Variants in ITGA9 observed in about 807,000 individuals in gnomAD.
The protein encoded by ITGA9 is integrin alpha-9.
In ITGA9, 56 loss-of-function variants were observed where a neutral mutation model predicts 127.8. The ratio of observed to expected loss-of-function variants is 0.44; its 90% confidence interval spans 0.35 to 0.55. The LOEUF is 0.55. Among genes scored for constraint, ITGA9 ranks in the 20% least tolerant of loss-of-function variants. The pLI, the probability that ITGA9 is intolerant of heterozygous loss-of-function variation, is 0.00. For synonymous variants in ITGA9, 508 were observed against 514.5 expected, an observed-to-expected ratio of 0.99 and a Z score of 0.17; for missense variants, 1,196 against 1,347.1, an observed-to-expected ratio of 0.89 and a Z score of 1.76.
intron 15 of ITGA9, among the ~76,000 whole-genome samples, chr3:37,584,377 G>C (rs1268326551): frequency 6.6e-6 from 1 of 152,156 alleles, no homozygotes; most frequent in African/African-American, 2.4e-5. Flanking sequence ...TCCATCAGTA[G>C]AGTGGGGAAA....
chr3:37,518,726 TTGGA>T (rs1301938458), intron 10 of ITGA9, among the ~76,000 whole-genome samples: 1 of 151,322 alleles, frequency 6.6e-6, no homozygotes, highest in Non-Finnish European at 1.5e-5. Flanking sequence ...AGAAACTTTT[TTGGA>T]ACTAAATTCT....
intron 16 of ITGA9, among the ~76,000 whole-genome samples, chr3:37,638,711 T>C (rs1164598916): frequency 6.6e-6 from 1 of 152,228 alleles, no homozygotes; most frequent in African/African-American, 2.4e-5. Context: ...CCCATGTTGG[T>C]ACCCAGGACT....
chr3:37,653,369 T>C (rs557519648), intron 16 of ITGA9, among the ~76,000 whole-genome samples: 1 of 152,244 alleles, frequency 6.6e-6, no homozygotes, highest in African/African-American at 2.4e-5. Flanking sequence ...TTATCATTCA[T>C]CTAAGAGCAT....
At chr3:37,812,917 C>A (rs1189220711) in intron 27 of ITGA9, among the ~76,000 whole-genome samples, 1 of 152,246 alleles carries the variant, frequency 6.6e-6, no homozygotes, top group East Asian at 1.9e-4. Flanking sequence ...TTTCCCAGCA[C>A]CTTCAGGGTG....
chr3:37,616,047 T>C (rs994119894), intron 15 of ITGA9, among the ~76,000 whole-genome samples: 1 of 152,252 alleles, frequency 6.6e-6, no homozygotes, highest in Non-Finnish European at 1.5e-5. Context: ...GTTCTTTTAA[T>C]TGTGATGTTA....
chr3:37,641,631 C>T (rs901306192), intron 16 of ITGA9, among the ~76,000 whole-genome samples: 3 of 152,166 alleles, frequency 2.0e-5, no homozygotes, highest in African/African-American at 7.2e-5. Context: ...GGTCACATCC[C>T]TGCATAACCT....
chr3:37,768,594 AC>A (rs1221799671), intron 23 of ITGA9, among the ~76,000 whole-genome samples: 1 of 152,108 alleles, frequency 6.6e-6, no homozygotes, highest in Admixed American at 6.5e-5. Flanking sequence ...GGTCATGTTT[AC>A]CCGGTTGCCG....
chr3:37,591,118 C>T (rs753489172), intron 15 of ITGA9, among the ~76,000 whole-genome samples: 6 of 152,104 alleles, frequency 3.9e-5, no homozygotes, highest in Non-Finnish European at 5.9e-5. Context: ...CCAGGGCTCT[C>T]GATTTTTGGG....
At position 37,782,645 on chromosome 3, in the gene ITGA9, G is replaced by A. The variant is rs576665419; in HGVS notation, c.2788-2332G>A. Reference sequence around the variant, plus strand: ...TTCAGTTGCCCTGAAGCCAGCTACAGCCTCCCTTGGGGAGTGGAGCCCACA... The same window carrying A: ...TTCAGTTGCCCTGAAGCCAGCTACAACCTCCCTTGGGGAGTGGAGCCCACA... On this transcript the variant is annotated intron_variant, in intron 25 of 27. Transcript: ENST00000264741. Among the ~76,000 whole-genome samples the A allele has an allele frequency of 2.0e-5, 3 of 152,314 alleles. No individual in the cohort carries two copies. The East Asian group carries it at 5.8e-4, about 29-fold the overall frequency.
intron 15 of ITGA9, among the ~76,000 whole-genome samples, chr3:37,579,288 T>A (rs1699681138): frequency 6.6e-6 from 1 of 152,236 alleles, no homozygotes; most frequent in African/African-American, 2.4e-5. Flanking sequence ...GGTGGCTCCA[T>A]GGACTTCAAG....
At chr3:37,771,926 C>T (rs957955496) in intron 23 of ITGA9, among the ~76,000 whole-genome samples, 1 of 152,154 alleles carries the variant, frequency 6.6e-6, no homozygotes, top group African/African-American at 2.4e-5. Context: ...ACCTCTACTC[C>T]TCTGTGACTC....
intron 15 of ITGA9, among the ~76,000 whole-genome samples, chr3:37,544,044 C>T (rs1191079628): frequency 6.6e-6 from 1 of 152,236 alleles, no homozygotes; most frequent in Non-Finnish European, 1.5e-5. Flanking sequence ...CCTTTGAATG[C>T]CTGTGATTGG....
chr3:37,602,240 A>C (rs866055427), intron 15 of ITGA9, among the ~76,000 whole-genome samples: 16 of 152,240 alleles, frequency 1.1e-4, no homozygotes, highest in African/African-American at 3.4e-4. Context: ...AAAAATGGGA[A>C]AATATCTCCA....
chr3:37,456,382 C>T (rs1357852825), intron 1 of ITGA9, among the ~76,000 whole-genome samples: 2 of 152,196 alleles, frequency 1.3e-5, no homozygotes, highest in East Asian at 1.9e-4. Flanking sequence ...TGCCAGGGAA[C>T]ATGGACAAAG....
At chr3:37,697,411 G>A (rs1196083237) in intron 18 of ITGA9, among the ~76,000 whole-genome samples, 1 of 151,730 alleles carries the variant, frequency 6.6e-6, no homozygotes, top group Non-Finnish European at 1.5e-5. Context: ...AGGTATACAT[G>A]TGCCATGTTG....
chr3:37,490,412 A>AT (rs1698657765), intron 4 of ITGA9, among the ~76,000 whole-genome samples: 1 of 152,204 alleles, frequency 6.6e-6, no homozygotes, highest in South Asian at 2.1e-4. Context: ...CTGGCAAGCT[A>AT]TTTTTCCCCC....
rs192211140 is a variant in ITGA9 at position 37,702,397 on chromosome 3, G to A, written c.2067+18382G>A. 2.0e-5 allele frequency among the ~76,000 whole-genome samples: 3 copies of A among 152,322 alleles called. No individual in the cohort carries two copies. In the East Asian group the frequency reaches 5.8e-4, roughly 29 times the overall value. The stretch of plus-strand genomic sequence containing the variant: ...AGGGGAATGTCTGTGTGAGACAGTG[G>A]CAGCCTCTGATGGGTTCCTGCCGAT... On this transcript the variant is annotated intron_variant, in intron 18 of 27. Coordinates refer to ENST00000264741, the MANE Select transcript of ITGA9 (RefSeq NM_002207.3).
intron 24 of ITGA9, among the ~76,000 whole-genome samples, chr3:37,778,159 G>A (rs751503882): frequency 3.9e-5 from 6 of 152,174 alleles, no homozygotes; most frequent in Non-Finnish European, 7.3e-5. Flanking sequence ...TCACTTATAC[G>A]AAGTTCAGAA....
intron 15 of ITGA9, among the ~76,000 whole-genome samples, chr3:37,579,693 G>A (rs1417956897): frequency 6.6e-6 from 1 of 152,170 alleles, no homozygotes; most frequent in East Asian, 1.9e-4. Flanking sequence ...AACCTCATGT[G>A]TGAACCTTAA....
Sources: allele counts gnomAD v4.1 joint callset (sites outside exome capture counted in the v4.1 genomes callset), GRCh38; gene constraint gnomAD v4.1.1; transcripts MANE v1.5; gene names NCBI Gene and HGNC (gene_info 2026-07-23, HGNC 2026-07-21).